GABRB1: variants seen among roughly 807,000 people sequenced by gnomAD.
GABRB1 encodes the protein gamma-aminobutyric acid receptor subunit beta-1.
A neutral mutation model predicts 51.6 loss-of-function variants in GABRB1; 17 were observed. That is an observed-to-expected ratio of 0.33 (90% CI 0.23 to 0.49). GABRB1 has a LOEUF of 0.49. Ranked by LOEUF, GABRB1 falls within the 20% of genes least tolerant of loss-of-function variation. The pLI is 0.99. For synonymous variants in GABRB1, 247 were observed against 218.9 expected, an observed-to-expected ratio of 1.13 and a Z score of -1.14; for missense variants, 410 against 600.6, an observed-to-expected ratio of 0.68 and a Z score of 3.32.
chr4:47,030,311 T>G (rs1466040900), upstream of GABRB1, among the ~76,000 whole-genome samples: 1 of 152,222 alleles, frequency 6.6e-6, no homozygotes, highest in Admixed American at 6.5e-5. Flanking sequence ...TCTATTACGT[T>G]TTTTTGTTTG....
At chr4:47,015,831 C>T (rs1386494830) in intron 1 of GABRB1, among the ~76,000 whole-genome samples, 1 of 152,160 alleles carries the variant, frequency 6.6e-6, no homozygotes, top group Non-Finnish European at 1.5e-5. Context: ...TTTATTCAAA[C>T]ATATTTTTGA....
intron 5 of GABRB1, 70 bp from the exon 6 acceptor site, chr4:47,403,248 C>G (rs1217204892): frequency 3.8e-6 from 6 of 1,562,042 alleles, no homozygotes; most frequent in Non-Finnish European, 4.4e-6. Context: ...AATTTTTCCT[C>G]TAGCTCCCAG....
chr4:47,098,463 A>G (rs182738829), intron 3 of GABRB1, among the ~76,000 whole-genome samples: 32 of 152,088 alleles, frequency 2.1e-4, no homozygotes, highest in Non-Finnish European at 3.7e-4. Context: ...TTTCCCCCCA[A>G]TTAGGGTTTC....
intron 4 of GABRB1, among the ~76,000 whole-genome samples, chr4:47,168,721 T>C (rs2109750558): frequency 6.6e-6 from 1 of 152,290 alleles, no homozygotes; most frequent in South Asian, 2.1e-4. Flanking sequence ...AATGTAATTG[T>C]ATTACTTCGC....
intron 4 of GABRB1, among the ~76,000 whole-genome samples, chr4:47,286,527 C>T (rs757194433): frequency 2.6e-5 from 4 of 152,038 alleles, no homozygotes; most frequent in Admixed American, 6.6e-5. Context: ...TCCTGCTACG[C>T]CAGAACACTT....
rs151118643 is a variant in GABRB1 at position 47,313,221 on chromosome 4, ATC to A, written c.462-6900_462-6899del. ...GCTGTCATGAGTCTACCTCTGGGAA[ATC>A]TCTCTGCAGAAGAACAGTCAGTTAA... On this transcript the variant is annotated intron_variant, in intron 4 of 8. Coordinates refer to ENST00000295454, the MANE Select transcript of GABRB1 (RefSeq NM_000812.4). Among the ~76,000 whole-genome samples, 723 of 152,280 alleles carry A rather than the reference ATC, an allele frequency of 4.7e-3. 3 individuals carry two copies. Among genetic ancestry groups the A allele is most frequent in the African/African-American group, 0.017 (700 of 41,566 alleles).
At chr4:47,348,787 A>G (rs1349484772) in intron 5 of GABRB1, among the ~76,000 whole-genome samples, 1 of 152,184 alleles carries the variant, frequency 6.6e-6, no homozygotes, top group Non-Finnish European at 1.5e-5. Flanking sequence ...TGGTATGGAA[A>G]ATGGATTGAC....
In GABRB1 at chr4:47,078,837, T is replaced by A. The variant is rs1033578832; in HGVS notation, c.240+46353T>A. ...ATTTTTTTTATCCTCCAATTCCTCT[T>A]TTCCATCCTAAGTCTCCAGAGTCCA... On this transcript the variant is annotated intron_variant, in intron 3 of 8. Coordinates refer to ENST00000295454, the MANE Select transcript of GABRB1 (RefSeq NM_000812.4). Among the ~76,000 whole-genome samples, 24 of 152,176 alleles carry A rather than the reference T, an allele frequency of 1.6e-4. 1 individual carries two copies. Among genetic ancestry groups the A allele is most frequent in the African/African-American group, 5.8e-4 (24 of 41,454 alleles).
At chr4:47,293,609 T>A (rs1723845085) in intron 4 of GABRB1, among the ~76,000 whole-genome samples, 1 of 152,194 alleles carries the variant, frequency 6.6e-6, no homozygotes, top group Admixed American at 6.5e-5. Context: ...TTATGAAAGA[T>A]TTGAACATTT....
chr4:47,021,137 C>T (rs1347273499), intron 1 of GABRB1, among the ~76,000 whole-genome samples: 2 of 152,132 alleles, frequency 1.3e-5, no homozygotes, highest in Non-Finnish European at 1.5e-5. Flanking sequence ...CTGCCATGAC[C>T]TGATTTAATT....
At chr4:47,264,421 A>T (rs1041146652) in intron 4 of GABRB1, among the ~76,000 whole-genome samples, 37 of 152,228 alleles carry the variant, frequency 2.4e-4, no homozygotes, top group African/African-American at 8.7e-4. Flanking sequence ...ATGTAAGCCT[A>T]CATAGTCTCA....
intron 4 of GABRB1, among the ~76,000 whole-genome samples, chr4:47,183,991 C>A (rs1719064227): frequency 6.6e-6 from 1 of 151,914 alleles, no homozygotes; most frequent in Non-Finnish European, 1.5e-5. Context: ...TACTCCAGTT[C>A]TTGATCTCTT....
intron 3 of GABRB1, among the ~76,000 whole-genome samples, chr4:47,041,835 A>G (rs1725857790): frequency 1.3e-5 from 2 of 152,180 alleles, no homozygotes; most frequent in South Asian, 4.1e-4. Flanking sequence ...GTCAGTGGCC[A>G]TTATTTCTAC....
chr4:47,181,854 T>A (rs2109770760), intron 4 of GABRB1, among the ~76,000 whole-genome samples: 1 of 152,172 alleles, frequency 6.6e-6, no homozygotes, highest in Middle Eastern at 3.4e-3. Flanking sequence ...TGGGTTGTAA[T>A]CACCTCATAA....
At chr4:47,277,475 A>T (rs1723127830) in intron 4 of GABRB1, among the ~76,000 whole-genome samples, 1 of 152,082 alleles carries the variant, frequency 6.6e-6, no homozygotes, top group African/African-American at 2.4e-5. Flanking sequence ...TATAGTCAAT[A>T]ATAACTTAAT....
At chr4:47,198,642 T>TA (rs1719782280) in intron 4 of GABRB1, among the ~76,000 whole-genome samples, 1 of 152,176 alleles carries the variant, frequency 6.6e-6, no homozygotes, top group Non-Finnish European at 1.5e-5. Flanking sequence ...GCAGAAAACT[T>TA]ACCTGAATTG....
chr4:47,346,890 T>A (rs866855940), intron 5 of GABRB1, among the ~76,000 whole-genome samples: 2 of 152,216 alleles, frequency 1.3e-5, no homozygotes, highest in Non-Finnish European at 2.9e-5. Flanking sequence ...AGCAGCCTCA[T>A]GCTCACTGCA....
chr4:47,419,340 CT>C (rs1729027406), intron 8 of GABRB1, among the ~76,000 whole-genome samples: 1 of 152,136 alleles, frequency 6.6e-6, no homozygotes, highest in Non-Finnish European at 1.5e-5. Context: ...ATGTGAGCCC[CT>C]CTAAGACTTG....
intron 4 of GABRB1, among the ~76,000 whole-genome samples, chr4:47,263,173 C>G (rs1202974878): frequency 6.7e-6 from 1 of 148,682 alleles, no homozygotes; most frequent in Non-Finnish European, 1.5e-5. Context: ...TGCACATGTA[C>G]CCTAAAACTT....
Sources: gnomAD v4.1 joint callset for allele counts (sites outside exome capture counted in the v4.1 genomes callset) on GRCh38, gnomAD v4.1.1 for gene constraint, MANE v1.5 for transcripts, NCBI Gene and HGNC (gene_info 2026-07-23, HGNC 2026-07-21) for gene names.